The following CCDC158 variants were observed in gnomAD, a reference collection of about 807,000 sequenced individuals.
CCDC158 encodes coiled-coil domain containing 158, also known as coiled-coil domain-containing protein 158.
In CCDC158, 116 loss-of-function variants were observed where a neutral mutation model predicts 138.6. The observed-to-expected ratio is 0.84, with a 90% CI of 0.72 to 0.98. The LOEUF (loss-of-function observed/expected upper bound fraction) is 0.98, where lower values mean the gene tolerates loss of function less well. Among genes scored for constraint, CCDC158 ranks in the 50% least tolerant of loss-of-function variants. The pLI is 0.00. For synonymous variants in CCDC158, 436 were observed against 442.4 expected, an observed-to-expected ratio of 0.99 and a Z score of 0.18; for missense variants, 1,265 against 1,306.1, an observed-to-expected ratio of 0.97 and a Z score of 0.48.
At chr4:76,392,159 G>A (rs1234111751) in intron 4 of CCDC158, among the ~76,000 whole-genome samples, 1 of 151,682 alleles carries the variant, frequency 6.6e-6, no homozygotes, top group East Asian at 1.9e-4. Context: ...ACCAGACAAA[G>A]ACACATCAAA....
At chr4:76,333,898 G>A (rs927378957) in intron 19 of CCDC158, 112 bp downstream of exon 19, 5 of 690,758 alleles carry the variant, frequency 7.2e-6, no homozygotes, top group African/African-American at 1.8e-5. Context: ...AGTAACTTCA[G>A]ATACTTTTAA....
intron 2 of CCDC158, among the ~76,000 whole-genome samples, chr4:76,403,660 A>AC (rs1250747567): frequency 6.6e-6 from 1 of 152,212 alleles, no homozygotes; most frequent in African/African-American, 2.4e-5. Flanking sequence ...TAGTGCTCAC[A>AC]ATTTTCATTT....
chr4:76,367,294 C>A lies in CCDC158; in HGVS notation c.1830G>T (p.Lys610Asn). 6.2e-7 allele frequency: 1 copy of A among 1,608,446 alleles called. No individual in the cohort carries two copies. The change falls in exon 12 of 25, where the codon AAG becomes AAT. Residue 610 changes from lysine to asparagine, a missense_variant and splice_region_variant. Coordinates refer to ENST00000682701, the MANE Select transcript of CCDC158 (RefSeq NM_001394954.1). ...NDRRMELKELKILKDKKDAKI... is the reference protein window; with the variant it reads ...NDRRMELKELNILKDKKDAKI... ...TAAATCACAAAAAAACTCTACAGAC[C>A]TTAAGTTCCTTTAGTTCCATCCGCC...
rs962745571 is a variant in CCDC158, at chr4:76,369,510, C to A, written c.1263G>T (p.Leu421=). The change falls in exon 11 of 25, where the codon CTG becomes CTT. Residue 421 remains leucine, a synonymous_variant. Transcript: ENST00000682701. The part of the protein sequence containing the change: ...SITIDHLRRE[L]DNRNMEVQRL... ...GCTGCACCTCCATGTTCCGGTTGTC[C>A]AGTTCCCGCCGCAGGTGGTCAATGG... 2 of 1,614,040 alleles carry A rather than the reference C, an allele frequency of 1.2e-6. No homozygotes were observed. The highest frequency in any genetic ancestry group is 1.7e-5 in the Admixed American group (1 of 60,006).
intron 12 of CCDC158, among the ~76,000 whole-genome samples, chr4:76,362,817 T>A (rs768875391): frequency 3.9e-5 from 6 of 152,204 alleles, no homozygotes; most frequent in Non-Finnish European, 8.8e-5. Flanking sequence ...TGTCTTCATG[T>A]CCTCCTCTAG....
At chr4:76,347,283 C>T (rs942480016) in intron 18 of CCDC158, among the ~76,000 whole-genome samples, 5 of 152,050 alleles carry the variant, frequency 3.3e-5, no homozygotes, top group Non-Finnish European at 5.9e-5. Flanking sequence ...AACCTAAATG[C>T]CCAGCAATGA....
intron 1 of CCDC158, among the ~76,000 whole-genome samples, chr4:76,417,191 G>C (rs964904030): frequency 6.6e-6 from 1 of 152,150 alleles, no homozygotes; most frequent in East Asian, 1.9e-4. Context: ...GCTGGATTTT[G>C]GATTTGCATG....
chr4:76,390,421 TATCAGAAC>T (rs2109806337), intron 4 of CCDC158, among the ~76,000 whole-genome samples: 1 of 152,090 alleles, frequency 6.6e-6, no homozygotes, highest in South Asian at 2.1e-4. Flanking sequence ...GGTAGTGGGT[TATCAGAAC>T]TTATTAACAT....
intron 21 of CCDC158, among the ~76,000 whole-genome samples, chr4:76,330,921 A>T (rs1243554832): frequency 6.6e-6 from 1 of 152,190 alleles, no homozygotes; most frequent in Non-Finnish European, 1.5e-5. Context: ...CAGAGACAGT[A>T]TGAAAATATT....
intron 2 of CCDC158, among the ~76,000 whole-genome samples, chr4:76,405,914 C>A (rs1439355494): frequency 6.6e-6 from 1 of 151,962 alleles, no homozygotes; most frequent in Non-Finnish European, 1.5e-5. Flanking sequence ...TAAAGAAACT[C>A]TAGCAAATAT....
At chr4:76,355,070 T>G (rs1275360495) in intron 15 of CCDC158, among the ~76,000 whole-genome samples, 2 of 152,192 alleles carry the variant, frequency 1.3e-5, no homozygotes, top group Non-Finnish European at 2.9e-5. Flanking sequence ...ATAATGGAAC[T>G]CACTGTATTT....
chr4:76,406,539 G>A (rs115671087), intron 2 of CCDC158, among the ~76,000 whole-genome samples: 3,280 of 152,034 alleles, frequency 0.022, 52 homozygotes, highest in Non-Finnish European at 0.033. Flanking sequence ...AAGGGCACAT[G>A]AAACATTCAC....
chr4:76,420,864 A>G lies in CCDC158; in HGVS notation c.-117+101T>C, dbSNP rs1297381018. On this transcript the variant is annotated intron_variant, in intron 1 of 24. Coordinates refer to ENST00000682701, the MANE Select transcript of CCDC158 (RefSeq NM_001394954.1). Reference sequence around the variant, plus strand: ...TCCATGTGCAGAACAAACACGAGGCACCGGAAGATTCCAGAAATGAACACG... The same window carrying G: ...TCCATGTGCAGAACAAACACGAGGCGCCGGAAGATTCCAGAAATGAACACG... 9.2e-5 allele frequency among the ~76,000 whole-genome samples: 14 copies of G among 152,274 alleles called. No individual in the cohort carries two copies. The East Asian group carries it at 2.7e-3, about 30-fold the overall frequency.
At chr4:76,371,372 A>C in intron 10 of CCDC158, 45 bp downstream of exon 10, 1 of 1,579,868 alleles carries the variant, frequency 6.3e-7, no homozygotes, top group Non-Finnish European at 8.6e-7. Context: ...TCAGTGAAAA[A>C]CTTCCCAGAA....
chr4:76,324,144 T>C (rs1720302199), intron 23 of CCDC158, among the ~76,000 whole-genome samples: 1 of 152,180 alleles, frequency 6.6e-6, no homozygotes, highest in Non-Finnish European at 1.5e-5. Context: ...AAGGCAATTA[T>C]CTAGGAATTA....
intron 23 of CCDC158, 102 bp from the exon 24 acceptor site, chr4:76,323,511 G>A: frequency 1.2e-6 from 1 of 857,520 alleles, no homozygotes; most frequent in Non-Finnish European, 1.8e-6. Context: ...AAAATAAAGG[G>A]AACTTTTTTT....
intron 23 of CCDC158, 102 bp downstream of exon 23, chr4:76,325,754 CA>C: frequency 2.2e-6 from 2 of 926,764 alleles, no homozygotes; most frequent in Non-Finnish European, 3.2e-6. Context: ...AGAGCTTACA[CA>C]TAAGAGCAGC....
chr4:76,396,309 T>C lies in CCDC158; in HGVS notation c.248A>G (p.Tyr83Cys). ...KEHFERVLEE[Y>C]SHQVKDLQRR... The stretch of plus-strand genomic sequence containing the variant: ...CTGTAAATCTTTGACTTGATGTGAA[T>C]ATTCTTCCAAAACACGTTCAAAGTG... The change falls in exon 4 of 25, where the codon TAT becomes TGT. Residue 83 changes from tyrosine (Y) to cysteine (C), a missense_variant. Tyr to Cys is a radical substitution (Grantham distance 194). Transcript: ENST00000682701. 5 of 1,613,862 alleles carry C rather than the reference T, an allele frequency of 3.1e-6. No homozygotes were observed. The highest frequency in any genetic ancestry group is 4.2e-6 in the Non-Finnish European group (5 of 1,179,908).
intron 12 of CCDC158, among the ~76,000 whole-genome samples, chr4:76,362,572 C>A (rs569939642): frequency 1.9e-4 from 29 of 152,166 alleles, no homozygotes; most frequent in Non-Finnish European, 8.8e-5. Flanking sequence ...GATGTCAATT[C>A]CTAGTATTGC....
Sources: gnomAD v4.1 joint callset for allele counts (sites outside exome capture counted in the v4.1 genomes callset) on GRCh38, gnomAD v4.1.1 for gene constraint, MANE v1.5 for transcripts, NCBI Gene and HGNC (gene_info 2026-07-23, HGNC 2026-07-21) for gene names.